ATP8A1: variants seen among roughly 807,000 people sequenced by gnomAD.
ATP8A1 encodes the protein phospholipid-transporting ATPase IA.
A neutral mutation model predicts 177.7 loss-of-function variants in ATP8A1; 90 were observed. The ratio of observed to expected loss-of-function variants is 0.51; its 90% confidence interval spans 0.43 to 0.60. The LOEUF is 0.60. Ranked by LOEUF, ATP8A1 falls within the 20% of genes least tolerant of loss-of-function variation. The probability of loss-of-function intolerance (pLI) is 0.00; values close to 1 mark genes in which losing one functional copy is unlikely to be tolerated. For synonymous variants in ATP8A1, 493 were observed against 485.9 expected (o/e 1.01, Z -0.19); for missense variants, 1,072 against 1,392.8 (o/e 0.77, Z 3.67).
At chr4:42,430,269 A>T (rs1268932269) in intron 33 of ATP8A1, among the ~76,000 whole-genome samples, 1 of 151,864 alleles carries the variant, frequency 6.6e-6, no homozygotes, top group Non-Finnish European at 1.5e-5. Context: ...GGAGTGCTAC[A>T]ACAGCCTGCT....
At chr4:42,422,759 T>G (rs765598947) in intron 35 of ATP8A1, 48 bp downstream of exon 35, 1 of 1,463,642 alleles carries the variant, frequency 6.8e-7, no homozygotes, top group South Asian at 1.2e-5. Flanking sequence ...TAGTACAAGA[T>G]AAATTTAAAG....
chr4:42,574,460 G>T (rs999721648), intron 14 of ATP8A1, among the ~76,000 whole-genome samples, 159 bp downstream of exon 14: 1 of 151,998 alleles, frequency 6.6e-6, no homozygotes, highest in South Asian at 2.1e-4. Flanking sequence ...AACTAGAAAC[G>T]CGAAATATAC....
At chr4:42,497,709 C>T (rs773604403) in intron 24 of ATP8A1, among the ~76,000 whole-genome samples, 2 of 152,166 alleles carry the variant, frequency 1.3e-5, no homozygotes, top group African/African-American at 2.4e-5. Context: ...ACTTTTTCAA[C>T]CACGTACTTT....
chr4:42,626,107 A>G (rs1419018330), intron 2 of ATP8A1: 1 of 153,550 alleles, frequency 6.5e-6, no homozygotes, highest in Non-Finnish European at 1.4e-5. Flanking sequence ...GAGCAATTTG[A>G]CCAGACACTG....
chr4:42,450,100 T>C (rs1244388109), intron 30 of ATP8A1, among the ~76,000 whole-genome samples: 1 of 152,100 alleles, frequency 6.6e-6, no homozygotes, highest in Non-Finnish European at 1.5e-5. Flanking sequence ...CTCCAAAAAG[T>C]GGAAACAATC....
intron 25 of ATP8A1, among the ~76,000 whole-genome samples, chr4:42,482,175 T>C (rs4072387): frequency 0.21 from 25,083 of 117,976 alleles, 2,347 homozygotes; most frequent in South Asian, 0.34. Flanking sequence ...TGGTGGTACA[T>C]GCCTGTAATT....
chr4:42,651,044 T>C (rs1741040606), intron 1 of ATP8A1, among the ~76,000 whole-genome samples: 1 of 152,216 alleles, frequency 6.6e-6, no homozygotes, highest in Non-Finnish European at 1.5e-5. Flanking sequence ...GTTCTTGTGA[T>C]AGTGAATAAG....
At chr4:42,653,005 T>A (rs1270040214) in intron 1 of ATP8A1, among the ~76,000 whole-genome samples, 1 of 136,992 alleles carries the variant, frequency 7.3e-6, no homozygotes, top group Admixed American at 7.3e-5. Context: ...TTTGTCTTTA[T>A]AAATTACCCA....
intron 4 of ATP8A1, among the ~76,000 whole-genome samples, chr4:42,621,720 T>A (rs1194159677): frequency 6.6e-6 from 1 of 152,148 alleles, no homozygotes; most frequent in Non-Finnish European, 1.5e-5. Flanking sequence ...AGTTTAAAAT[T>A]TAACTATTTA....
chr4:42,641,505 T>TG (rs1450512121), intron 1 of ATP8A1, among the ~76,000 whole-genome samples: 2 of 151,448 alleles, frequency 1.3e-5, no homozygotes, highest in East Asian at 3.9e-4. Flanking sequence ...TAAATTTCTT[T>TG]TTTTTTTTTA....
chr4:42,517,822 T>C (rs980431895), intron 22 of ATP8A1, among the ~76,000 whole-genome samples: 7 of 152,230 alleles, frequency 4.6e-5, no homozygotes, highest in African/African-American at 1.7e-4. Flanking sequence ...CTGATAATTA[T>C]ATTTTATAGA....
intron 24 of ATP8A1, among the ~76,000 whole-genome samples, chr4:42,500,243 T>C (rs1017519331): frequency 7.9e-5 from 12 of 152,172 alleles, no homozygotes; most frequent in African/African-American, 2.9e-4. Flanking sequence ...TGAATGCCTG[T>C]GATCCCAGCT....
intron 18 of ATP8A1, among the ~76,000 whole-genome samples, chr4:42,549,782 G>A (rs1729309712): frequency 6.6e-6 from 1 of 151,862 alleles, no homozygotes; most frequent in Non-Finnish European, 1.5e-5. Flanking sequence ...CTGGGTGACA[G>A]AGCAAGACCC....
chr4:42,440,133 T>C (rs1716459611), intron 33 of ATP8A1, among the ~76,000 whole-genome samples: 1 of 152,142 alleles, frequency 6.6e-6, no homozygotes, highest in Admixed American at 6.5e-5. Context: ...ATCCAACCTG[T>C]CCATCAATCC....
intron 29 of ATP8A1, among the ~76,000 whole-genome samples, chr4:42,454,942 C>A (rs945005259): frequency 6.6e-6 from 1 of 152,172 alleles, no homozygotes; most frequent in Non-Finnish European, 1.5e-5. Flanking sequence ...TCCTAGATGA[C>A]TAACCCCTGT....
chr4:42,478,523 G>A (rs1666491890), intron 25 of ATP8A1, among the ~76,000 whole-genome samples: 1 of 151,864 alleles, frequency 6.6e-6, no homozygotes, highest in Non-Finnish European at 1.5e-5. Flanking sequence ...TTTTTCTAAG[G>A]TGAAATAGAA....
chr4:42,440,638 T>A lies in ATP8A1; in HGVS notation c.3123+2927A>T, dbSNP rs114084181. ...GTTGGATTGATTGATTGAAAAAAAA[T>A]ATATATATAGTCCTTACAGAACTAC... On this transcript the variant is annotated intron_variant, in intron 33 of 36. Coordinates refer to ENST00000381668, the MANE Select transcript of ATP8A1 (RefSeq NM_006095.2). 1.9e-3 allele frequency among the ~76,000 whole-genome samples: 293 copies of A among 152,132 alleles called. 1 individual carries two copies. Among genetic ancestry groups the A allele is most frequent in the African/African-American group, 6.2e-3 (259 of 41,488 alleles).
intron 9 of ATP8A1, among the ~76,000 whole-genome samples, chr4:42,586,027 C>T (rs1275271947): frequency 6.6e-6 from 1 of 152,102 alleles, no homozygotes; most frequent in Non-Finnish European, 1.5e-5. Context: ...GAGTATTTGG[C>T]CAAAGAATAG....
At position 42,446,574 on chromosome 4, in the gene ATP8A1, C is replaced by T. The variant is rs77789461; in HGVS notation, c.2958+9G>A. 1.3e-3 allele frequency: 2,130 copies of T among 1,612,750 alleles called. 28 individuals carry two copies. In the African/African-American group the frequency reaches 0.024, roughly 18 times the overall value. ...TTACACGCAAACGAGACCGACATCCCGCACTCACAGTGTACACAAAGTTTC... is the reference window on the plus strand; with the variant it reads ...TTACACGCAAACGAGACCGACATCCTGCACTCACAGTGTACACAAAGTTTC... On this transcript the variant is annotated intron_variant, in intron 31 of 36. Transcript: ENST00000381668.
Sources: gnomAD v4.1 joint callset for allele counts (sites outside exome capture counted in the v4.1 genomes callset) on GRCh38, gnomAD v4.1.1 for gene constraint, MANE v1.5 for transcripts, NCBI Gene and HGNC (gene_info 2026-07-23, HGNC 2026-07-21) for gene names.